TRPC6: variants seen among roughly 807,000 people sequenced by gnomAD.
TRPC6 encodes the protein short transient receptor potential channel 6.
TRPC6 carries 55 observed loss-of-function variants against 90.7 expected under a neutral mutation model. That is an observed-to-expected ratio of 0.61 (90% CI 0.49 to 0.76). TRPC6 has a LOEUF of 0.76. Among genes scored for constraint, TRPC6 ranks in the 30% least tolerant of loss-of-function variants. TRPC6 has a pLI of 0.00. For missense variants in TRPC6, 989 were observed against 1,122.7 expected (o/e 0.88, Z 1.70); for synonymous variants, 393 against 393.0 (o/e 1.00, Z 0.00).
intron 2 of TRPC6, among the ~76,000 whole-genome samples, chr11:101,502,130 T>C (rs1163100401): frequency 6.6e-6 from 1 of 152,134 alleles, no homozygotes; most frequent in African/African-American, 2.4e-5. Flanking sequence ...AAGGGTGTGA[T>C]GAACAAACAG....
intron 1 of TRPC6, among the ~76,000 whole-genome samples, chr11:101,545,441 A>G (rs1008973060): frequency 2.6e-5 from 4 of 152,190 alleles, no homozygotes; most frequent in Non-Finnish European, 4.4e-5. Context: ...CCAATCCCCT[A>G]TGGATAGTAA....
chr11:101,582,865 G>A (rs780419742), intron 1 of TRPC6, among the ~76,000 whole-genome samples: 80 of 152,074 alleles, frequency 5.3e-4, no homozygotes, highest in Non-Finnish European at 9.0e-4. Context: ...GAGACCGCCG[G>A]GCGCACCCAG....
intron 1 of TRPC6, among the ~76,000 whole-genome samples, chr11:101,505,457 A>C (rs189429726): frequency 1.3e-5 from 2 of 152,304 alleles, no homozygotes; most frequent in East Asian, 3.9e-4. Flanking sequence ...GGATAAGTAG[A>C]AGTCAGGTGA....
intron 1 of TRPC6, among the ~76,000 whole-genome samples, chr11:101,515,623 T>C (rs1450543912): frequency 2.0e-5 from 3 of 152,188 alleles, no homozygotes; most frequent in Non-Finnish European, 2.9e-5. Context: ...TTTCTCAAAT[T>C]ATTTTACTCC....
chr11:101,509,391 C>A (rs536062337), intron 1 of TRPC6, among the ~76,000 whole-genome samples: 1 of 152,016 alleles, frequency 6.6e-6, no homozygotes, highest in African/African-American at 2.4e-5. Context: ...AGCCACCACA[C>A]CTGCCCTTTG....
At chr11:101,473,023 T>C (rs766408954) in intron 7 of TRPC6, among the ~76,000 whole-genome samples, 27 of 152,098 alleles carry the variant, frequency 1.8e-4, no homozygotes, top group Non-Finnish European at 3.2e-4. Flanking sequence ...TTGCCACTAT[T>C]GATAAGTCAT....
At chr11:101,481,476 G>A (rs925147283) in intron 5 of TRPC6, among the ~76,000 whole-genome samples, 11 of 145,632 alleles carry the variant, frequency 7.6e-5, no homozygotes, top group African/African-American at 2.5e-4. Flanking sequence ...AATTCCATGG[G>A]CACTTCAAAG....
chr11:101,491,407 C>T (rs541872560), intron 3 of TRPC6, 149 bp downstream of exon 3: 26 of 1,010,664 alleles, frequency 2.6e-5, no homozygotes, highest in Non-Finnish European at 3.4e-5. Flanking sequence ...GCACTCCAGA[C>T]TGGGCGACAG....
chr11:101,518,559 G>A (rs1420200200), intron 1 of TRPC6, among the ~76,000 whole-genome samples: 1 of 152,198 alleles, frequency 6.6e-6, no homozygotes. Context: ...TGCTGGTGAG[G>A]ATGTGAAGAA....
At chr11:101,521,291 G>C (rs544131496) in intron 1 of TRPC6, among the ~76,000 whole-genome samples, 2 of 152,178 alleles carry the variant, frequency 1.3e-5, no homozygotes, top group African/African-American at 4.8e-5. Context: ...CTCCAGCTGC[G>C]GCTGAAAGGG....
chr11:101,516,390 C>T (rs1027782447), intron 1 of TRPC6, among the ~76,000 whole-genome samples: 2 of 152,144 alleles, frequency 1.3e-5, no homozygotes, highest in Non-Finnish European at 2.9e-5. Context: ...TCCTACCCAT[C>T]CCCACTTAAG....
intron 1 of TRPC6, among the ~76,000 whole-genome samples, chr11:101,563,423 G>T (rs1861758259): frequency 6.6e-6 from 1 of 152,152 alleles, no homozygotes. Context: ...CAAGAGTGGG[G>T]CAGGGCTGAT....
At position 101,504,884 on chromosome 11, in the gene TRPC6, C is replaced by A. The variant is rs10501981; in HGVS notation, c.171-86G>T. 4.7e-6 allele frequency: 7 copies of A among 1,477,134 alleles called. No individual in the cohort carries two copies. The African/African-American group carries it at 5.6e-5, about 12-fold the overall frequency. The allele number at this position is 1,477,134 out of a possible 1,614,324, so 91.5% of individuals were successfully genotyped here. A position where few individuals can be genotyped will look rare whatever the true frequency, so the allele number is the denominator to read the frequency against. ...GACTTGCCATTCATCTAATACAATC[C>A]TCAAGTATATTAGATGTTGTCTCAT... On this transcript the variant is annotated intron_variant, in intron 1 of 12. Transcript: ENST00000344327.
intron 1 of TRPC6, among the ~76,000 whole-genome samples, chr11:101,570,688 G>A (rs143571787): frequency 4.2e-4 from 64 of 152,120 alleles, no homozygotes; most frequent in Middle Eastern, 3.4e-3. Context: ...TCCAGTTGGC[G>A]TCATCTCTGG....
At chr11:101,535,382 C>T (rs7125178) in intron 1 of TRPC6, among the ~76,000 whole-genome samples, 152,111 of 152,112 alleles carry the variant, frequency 1, 76,055 homozygotes, top group Non-Finnish European at 1. Context: ...CACTTATTCC[C>T]TAATCTTATT....
intron 1 of TRPC6, among the ~76,000 whole-genome samples, chr11:101,557,282 G>A (rs554881142): frequency 6.6e-6 from 1 of 152,276 alleles, no homozygotes; most frequent in South Asian, 2.1e-4. Context: ...TTGAACCTGG[G>A]AGACAGGGGT....
chr11:101,497,899 GA>G (rs1859991442), intron 2 of TRPC6, among the ~76,000 whole-genome samples: 1 of 152,040 alleles, frequency 6.6e-6, no homozygotes, highest in Admixed American at 6.6e-5. Context: ...GTTCCCAAAA[GA>G]GGGGATTTTT....
intron 1 of TRPC6, among the ~76,000 whole-genome samples, chr11:101,541,990 A>G (rs554932189): frequency 1.3e-5 from 2 of 152,370 alleles, no homozygotes; most frequent in South Asian, 4.1e-4. Flanking sequence ...GATAATTCAG[A>G]TTGAAATCAG....
chr11:101,563,544 CTTTT>C (rs551771148), intron 1 of TRPC6, among the ~76,000 whole-genome samples: 3 of 151,462 alleles, frequency 2.0e-5, no homozygotes, highest in African/African-American at 7.3e-5. Context: ...TGTAGGTAAT[CTTTT>C]TTTTTATTAA....
Sources: allele counts gnomAD v4.1 joint callset (sites outside exome capture counted in the v4.1 genomes callset), GRCh38; gene constraint gnomAD v4.1.1; transcripts MANE v1.5; gene names NCBI Gene and HGNC (gene_info 2026-07-23, HGNC 2026-07-21).